CNTN5: variants seen among roughly 807,000 people sequenced by gnomAD.
CNTN5 encodes the protein contactin-5.
Under a neutral mutation model 129.1 loss-of-function variants are expected in CNTN5, and 77 were observed. The ratio of observed to expected loss-of-function variants is 0.60; its 90% CI spans 0.50 to 0.72. CNTN5 has a LOEUF of 0.72. Ranked by LOEUF, CNTN5 falls within the 30% of genes least tolerant of loss-of-function variation. CNTN5 has a pLI of 0.00. For missense variants in CNTN5, 1,478 were observed against 1,328.8 expected, an observed-to-expected ratio of 1.11 and a Z score of -1.75; for synonymous variants, 509 against 465.6, an observed-to-expected ratio of 1.09 and a Z score of -1.20.
intron 1 of CNTN5, among the ~76,000 whole-genome samples, chr11:99,187,115 A>C (rs1426404163): frequency 1.3e-5 from 2 of 151,888 alleles, no homozygotes; most frequent in Non-Finnish European, 2.9e-5. Context: ...TTCTCTCCAA[A>C]ATTCTACGTG....
chr11:100,299,243 G>C lies in CNTN5; in HGVS notation c.2467G>C (p.Glu823Gln), dbSNP rs1385144818. 5 of 1,610,158 alleles carry C rather than the reference G, an allele frequency of 3.1e-6. No individual in the cohort carries two copies. In the Admixed American group the frequency reaches 6.7e-5, roughly 22 times the overall value. Residue 823 changes from glutamate (E) to glutamine (Q), a missense_variant, in exon 20 of 25, where the codon GAA (glutamate) becomes CAA (glutamine). By Grantham distance (29) the Glu-to-Gln change is conservative (BLOSUM62 2). Transcript: ENST00000524871. ...FRPNGTRGWKEKMVTSSEASK... is the reference protein window; with the variant it reads ...FRPNGTRGWKQKMVTSSEASK... ...ACCCAATGGAACACGTGGCTGGAAG[G>C]AAAAAATGGTGACATCCTCTGAAGC...
At chr11:99,935,726 G>GT (rs1199974165) in intron 7 of CNTN5, among the ~76,000 whole-genome samples, 3 of 152,044 alleles carry the variant, frequency 2.0e-5, no homozygotes. Flanking sequence ...CAAAAAGAGT[G>GT]TAACAATATA....
At chr11:99,807,201 AATAAC>A (rs1946300103) in intron 3 of CNTN5, among the ~76,000 whole-genome samples, 1 of 152,308 alleles carries the variant, frequency 6.6e-6, no homozygotes, top group Admixed American at 6.5e-5. Flanking sequence ...TGGTATGCAA[AATAAC>A]ATAAAGAAAA....
At chr11:100,349,447 C>A (rs1952356601) in intron 23 of CNTN5, among the ~76,000 whole-genome samples, 1 of 151,790 alleles carries the variant, frequency 6.6e-6, no homozygotes, top group South Asian at 2.1e-4. Flanking sequence ...TACACCAGGT[C>A]CTGTGCTAGG....
intron 6 of CNTN5, among the ~76,000 whole-genome samples, chr11:99,907,537 A>C (rs966325924): frequency 2.6e-5 from 4 of 151,860 alleles, no homozygotes; most frequent in Non-Finnish European, 5.9e-5. Context: ...ACGTCTTGTA[A>C]TACAAAGATT....
At chr11:99,581,856 G>T (rs959029196) in intron 3 of CNTN5, among the ~76,000 whole-genome samples, 1 of 152,158 alleles carries the variant, frequency 6.6e-6, no homozygotes, top group Non-Finnish European at 1.5e-5. Context: ...ATGTGAATTT[G>T]ATCCTGTCAT....
chr11:99,829,397 C>G (rs375336016), intron 4 of CNTN5, among the ~76,000 whole-genome samples: 1 of 152,124 alleles, frequency 6.6e-6, no homozygotes, highest in African/African-American at 2.4e-5. Context: ...CATCCCCAGG[C>G]TTTATGTTTG....
At chr11:99,285,699 C>T (rs1008118602) in intron 1 of CNTN5, among the ~76,000 whole-genome samples, 2 of 151,864 alleles carry the variant, frequency 1.3e-5, no homozygotes, top group Admixed American at 6.6e-5. Context: ...CAGAAGGAAG[C>T]TGTCGATACA....
At position 99,452,539 on chromosome 11, in the gene CNTN5, A is replaced by AT. The variant is rs1219707963; in HGVS notation, c.-70-103600dup. Among the ~76,000 whole-genome samples, 10 of 151,766 alleles carry AT rather than the reference A, an allele frequency of 6.6e-5. No individual in the cohort carries two copies. The East Asian group carries it at 1.6e-3, about 24-fold the overall frequency. ...AGGTGCCCGCCACCACACCCGGCTA[A>AT]TTTTTTGCATTTTTAGTAGAGACGA... is the stretch of plus-strand genomic sequence containing the variant. On this transcript the variant is annotated intron_variant, in intron 2 of 24. Transcript: ENST00000524871.
At chr11:100,279,323 T>C (rs1159222221) in intron 18 of CNTN5, among the ~76,000 whole-genome samples, 2 of 151,896 alleles carry the variant, frequency 1.3e-5, no homozygotes, top group South Asian at 2.1e-4. Flanking sequence ...ACTGGCCTCA[T>C]AGAATGAATT....
At position 100,188,346 on chromosome 11, in the gene CNTN5, G is replaced by A. The variant is rs12273417; in HGVS notation, c.1581-2780G>A. ...GGCGAGGAGAGACCTGAGGCAGGAG[G>A]ATCCCTTGCATCCCCCAGAGGTTGA... is the stretch of plus-strand genomic sequence containing the variant. On this transcript the variant is annotated intron_variant, in intron 13 of 24. Transcript: ENST00000524871. Among the ~76,000 whole-genome samples, 807 of 152,158 alleles carry A rather than the reference G, an allele frequency of 5.3e-3. 7 individuals carry two copies. The highest frequency in any genetic ancestry group is 0.018 in the African/African-American group (747 of 41,528).
chr11:100,213,569 G>A (rs563652543), intron 15 of CNTN5, among the ~76,000 whole-genome samples: 39 of 152,070 alleles, frequency 2.6e-4, no homozygotes, highest in Non-Finnish European at 3.8e-4. Flanking sequence ...GTTTTCTGTG[G>A]CTGTGTCTTG....
intron 8 of CNTN5, among the ~76,000 whole-genome samples, chr11:99,963,227 C>G (rs1437491662): frequency 6.6e-6 from 1 of 152,092 alleles, no homozygotes; most frequent in Non-Finnish European, 1.5e-5. Context: ...ACATGAAGTC[C>G]TTGCCCATGC....
Position 99,188,597 on chromosome 11 carries a change from G to A in CNTN5, c.-209-136749G>A, listed in dbSNP as rs1858473035. Among the ~76,000 whole-genome samples, 4 of 151,668 alleles carry A rather than the reference G, an allele frequency of 2.6e-5. No homozygotes were observed. The South Asian group carries it at 8.3e-4, about 32-fold the overall frequency. On this transcript the variant is annotated intron_variant, in intron 1 of 24. Coordinates refer to ENST00000524871, the MANE Select transcript of CNTN5 (RefSeq NM_014361.4). ...TTTCTTATATCCCACTATATGAAAG[G>A]AACACGATTTATTTAATATTTTTAT...
chr11:99,948,055 C>T (rs556794257), intron 7 of CNTN5, among the ~76,000 whole-genome samples: 10 of 152,052 alleles, frequency 6.6e-5, no homozygotes, highest in African/African-American at 1.7e-4. Flanking sequence ...TTTTGCTAAC[C>T]GAGGTCTTAA....
chr11:99,419,330 C>A (rs1337493108), intron 2 of CNTN5, among the ~76,000 whole-genome samples: 7 of 151,960 alleles, frequency 4.6e-5, no homozygotes, highest in Admixed American at 4.6e-4. Context: ...ATATGCTTGT[C>A]GGTTTGTTGA....
At chr11:100,214,257 C>T (rs1461670421) in intron 15 of CNTN5, among the ~76,000 whole-genome samples, 5 of 152,200 alleles carry the variant, frequency 3.3e-5, no homozygotes, top group East Asian at 1.9e-4. Flanking sequence ...TGCCAATATG[C>T]GTATTCCATA....
At chr11:99,687,311 G>C (rs574865838) in intron 3 of CNTN5, among the ~76,000 whole-genome samples, 18 of 152,158 alleles carry the variant, frequency 1.2e-4, no homozygotes, top group African/African-American at 4.1e-4. Context: ...ATACCTCTCA[G>C]TGTACTGGAA....
chr11:99,617,880 G>A (rs2407047), intron 3 of CNTN5, among the ~76,000 whole-genome samples: 31,994 of 151,948 alleles, frequency 0.21, 3,602 homozygotes, highest in East Asian at 0.35. Flanking sequence ...TACCTACTTT[G>A]TTCATTATTG....
Sources: gnomAD v4.1 joint callset for allele counts (sites outside exome capture counted in the v4.1 genomes callset) on GRCh38, gnomAD v4.1.1 for gene constraint, MANE v1.5 for transcripts, NCBI Gene and HGNC (gene_info 2026-07-23, HGNC 2026-07-21) for gene names.